The following POLR1F variants were observed in gnomAD, a reference collection of about 807,000 sequenced individuals.
The protein encoded by POLR1F is DNA-directed RNA polymerase I subunit RPA43.
POLR1F carries 23 observed loss-of-function variants against 21.8 expected under a neutral mutation model. The observed-to-expected ratio is 1.05, with a 90% confidence interval of 0.76 to 1.49. The LOEUF (loss-of-function observed/expected upper bound fraction) is 1.49. POLR1F is among the 40% of genes most tolerant of loss of function. POLR1F has a pLI of 0.00. For synonymous variants in POLR1F, 162 were observed against 152.8 expected (o/e 1.06, Z -0.45); for missense variants, 435 against 412.1 (o/e 1.06, Z -0.48).
At chr7:19,702,987 G>C (rs890244432) in intron 2 of POLR1F, among the ~76,000 whole-genome samples, 1 of 152,114 alleles carries the variant, frequency 6.6e-6, no homozygotes, top group South Asian at 2.1e-4. Flanking sequence ...TTACTTAAGA[G>C]AAATGAAAAT....
At chr7:19,700,439 C>CTAA (rs1783433760) in intron 2 of POLR1F, 159 bp from the exon 3 acceptor site, 1 of 611,082 alleles carries the variant, frequency 1.6e-6, no homozygotes, top group Non-Finnish European at 2.8e-6. Context: ...TAAAACTTAC[C>CTAA]ACATGTCATG....
At chr7:19,698,823 A>T (rs555622788) in intron 3 of POLR1F, 96 bp from the exon 4 acceptor site, 2 of 1,027,444 alleles carry the variant, frequency 1.9e-6, no homozygotes, top group Admixed American at 6.1e-5. Flanking sequence ...GATTTTCTAA[A>T]TAATGACTCC....
At position 19,704,914 on chromosome 7, in the gene POLR1F, T is replaced by A. The variant is rs1267748242; in HGVS notation, c.261A>T (p.Leu87Phe). The A allele has an allele frequency of 6.4e-7, 1 of 1,558,882 alleles. No homozygotes were observed. The highest frequency in any genetic ancestry group is 1.4e-5 in the African/African-American group (1 of 71,208). Reference sequence around the variant, plus strand: ...TGTTATCATATGCAATAGGGACACCTAAAAGGCTGTAAAAAGAAAAAGTTG... The same window carrying A: ...TGTTATCATATGCAATAGGGACACCAAAAAGGCTGTAAAAAGAAAAAGTTG... ...AELLRYSESL[L>F]GVPIAYDNIK... Residue 87 changes from leucine to phenylalanine, a missense_variant, in exon 2 of 4, where the codon TTA (leucine) becomes TTT (phenylalanine). Coordinates refer to ENST00000222567, the MANE Select transcript of POLR1F (RefSeq NM_001002926.2).
chr7:19,708,983 C>G lies in POLR1F; in HGVS notation c.34G>C (p.Ala12Pro). The G allele has an allele frequency of 1.9e-6, 3 of 1,596,056 alleles. No homozygotes were observed. Among genetic ancestry groups the G allele is most frequent in the Non-Finnish European group, 2.6e-6 (3 of 1,169,568 alleles). Reference sequence around the variant, plus strand: ...ACCAGAGACCCATCAGAAGCCGCCGCTGGCCGCGGCGCCTCTGAGCAACCT... The same window carrying G: ...ACCAGAGACCCATCAGAAGCCGCCGGTGGCCGCGGCGCCTCTGAGCAACCT... ...AAGCSEAPRP[A>P]AASDGSLVGQ... The change falls in exon 1 of 4, where the codon GCG (alanine) becomes CCG (proline). Residue 12 changes from alanine to proline, a missense_variant. Ala to Pro is a conservative substitution (Grantham distance 27). Coordinates refer to ENST00000222567, the MANE Select transcript of POLR1F (RefSeq NM_001002926.2).
At chr7:19,699,409 A>C (rs773347752) in intron 3 of POLR1F, among the ~76,000 whole-genome samples, 8 of 152,198 alleles carry the variant, frequency 5.3e-5, no homozygotes, top group Non-Finnish European at 1.0e-4. Context: ...GTCATATTTC[A>C]ATGCTCAATA....
intron 2 of POLR1F, among the ~76,000 whole-genome samples, chr7:19,704,569 T>C (rs571291742): frequency 6.6e-6 from 1 of 152,316 alleles, no homozygotes; most frequent in African/African-American, 2.4e-5. Context: ...GGATGGGACA[T>C]ATATCGTGTG....
At chr7:19,705,578 A>G (rs1299070580) in intron 1 of POLR1F, 1 of 152,484 alleles carries the variant, frequency 6.6e-6, no homozygotes, top group African/African-American at 2.4e-5. Flanking sequence ...TTTAAAGTCA[A>G]TGACTTAATA....
chr7:19,702,359 G>A (rs1276832035), intron 2 of POLR1F, among the ~76,000 whole-genome samples: 3 of 152,124 alleles, frequency 2.0e-5, no homozygotes, highest in African/African-American at 7.2e-5. Context: ...AGAACAACGG[G>A]AAAGCTACAT....
intron 1 of POLR1F, among the ~76,000 whole-genome samples, chr7:19,706,577 C>T (rs950701561): frequency 2.0e-5 from 3 of 152,138 alleles, no homozygotes; most frequent in African/African-American, 7.2e-5. Context: ...AAATGTCCTT[C>T]GCTCTGACTT....
chr7:19,704,759 G>A lies in POLR1F; in HGVS notation c.396+20C>T, dbSNP rs772191730. 14 of 1,572,346 alleles carry A rather than the reference G, an allele frequency of 8.9e-6. No homozygotes were observed. The highest frequency in any genetic ancestry group is 1.9e-4 in the Middle Eastern group (1 of 5,150). On this transcript the variant is annotated intron_variant, in intron 2 of 3. Transcript: ENST00000222567. Reference sequence around the variant, plus strand: ...TTATAGAATTATACAAAGGGAGCTAGAAAAAAGTGATACACATACCATAAG... The same window carrying A: ...TTATAGAATTATACAAAGGGAGCTAAAAAAAAGTGATACACATACCATAAG...
chr7:19,708,807 G>T lies in POLR1F; in HGVS notation c.210C>A (p.Gly70=), dbSNP rs770097505. 14 of 1,614,024 alleles carry T rather than the reference G, an allele frequency of 8.7e-6. No homozygotes were observed. In the East Asian group the frequency reaches 3.1e-4, roughly 36 times the overall value. ...SPRYLNRKRT[G]IREQLDAELL... is the part of the protein sequence containing the mutation. Reference sequence around the variant, plus strand: ...GCTCCGCATCAAGCTGTTCTCGAATGCCGGTGCGTTTCCTGTTAAGGTAGC... The same window carrying T: ...GCTCCGCATCAAGCTGTTCTCGAATTCCGGTGCGTTTCCTGTTAAGGTAGC... Residue 70 remains glycine, a synonymous_variant, in exon 1 of 4, where the codon GGC becomes GGA. Coordinates refer to ENST00000222567, the MANE Select transcript of POLR1F (RefSeq NM_001002926.2).
In POLR1F at chr7:19,695,814, A is replaced by C. The variant is rs1169758272; in HGVS notation, c.*2502T>G. 1 of 152,162 alleles carries C rather than the reference A, an allele frequency of 6.6e-6. No homozygotes were observed. Among genetic ancestry groups the C allele is most frequent in the Non-Finnish European group, 1.5e-5 (1 of 67,986 alleles). 9.4% of individuals were successfully genotyped at this position (152,162 alleles called of 1,614,324 possible). ...GTCCTCTGTCAGGTTCTCCACCTGG[A>C]ATGCCACAGCTAGTTTTTCTTCTCC... On this transcript the variant is annotated 3_prime_UTR_variant, in exon 4 of 4. Transcript: ENST00000222567.
chr7:19,698,620 T>C lies in POLR1F; in HGVS notation c.713A>G (p.Tyr238Cys). Residue 238 changes from tyrosine to cysteine, a missense_variant, in exon 4 of 4, where the codon TAT (tyrosine) becomes TGT (cysteine). By Grantham distance (194) the Tyr-to-Cys change is radical. Coordinates refer to ENST00000222567, the MANE Select transcript of POLR1F (RefSeq NM_001002926.2). Reference sequence around the variant, plus strand: ...CTTTGTGGTACCACTGTCCACTTCATATGTCTCTGGGTCTTTCTTCTTTTT... The same window carrying C: ...CTTTGTGGTACCACTGTCCACTTCACATGTCTCTGGGTCTTTCTTCTTTTT... ...KKKKKKDPET[Y>C]EVDSGTTKLA... The C allele has an allele frequency of 6.2e-7, 1 of 1,612,018 alleles. No individual in the cohort carries two copies. Among genetic ancestry groups the C allele is most frequent in the African/African-American group, 1.3e-5 (1 of 74,858 alleles).
At chr7:19,699,163 A>G (rs1363049895) in intron 3 of POLR1F, among the ~76,000 whole-genome samples, 2 of 152,146 alleles carry the variant, frequency 1.3e-5, no homozygotes, top group African/African-American at 4.8e-5. Context: ...AAAGCAATGG[A>G]GTTTCCAGTC....
At chr7:19,703,556 C>A (rs1783472295) in intron 2 of POLR1F, among the ~76,000 whole-genome samples, 1 of 152,100 alleles carries the variant, frequency 6.6e-6, no homozygotes, top group Non-Finnish European at 1.5e-5. Flanking sequence ...TTTCTACAAT[C>A]TGTTATTTCC....
intron 2 of POLR1F, among the ~76,000 whole-genome samples, chr7:19,701,198 A>C (rs1783441721): frequency 6.6e-6 from 1 of 152,244 alleles, no homozygotes; most frequent in South Asian, 2.1e-4. Context: ...AAAATAAAAG[A>C]TTATTCAGTA....
rs1783389577 is a variant in POLR1F at position 19,697,678 on chromosome 7, ACTT to A, written c.*635_*637del. The A allele has an allele frequency of 6.6e-6, 1 of 152,158 alleles. No individual in the cohort carries two copies. The highest frequency in any genetic ancestry group is 1.5e-5 in the Non-Finnish European group (1 of 68,104). The allele number at this position is 152,158 out of a possible 1,614,324, so 9.4% of individuals were successfully genotyped here. On this transcript the variant is annotated 3_prime_UTR_variant, in exon 4 of 4. Transcript: ENST00000222567. ...ACAGTCCTTTCCAGCAACCTCTCAG[ACTT>A]AAGAAGACAAGGACACACATGCACT...
intron 1 of POLR1F, among the ~76,000 whole-genome samples, chr7:19,705,203 A>C (rs1444900586): frequency 6.6e-6 from 1 of 152,184 alleles, no homozygotes; most frequent in Non-Finnish European, 1.5e-5. Flanking sequence ...CACCTATGTC[A>C]AAAACAATAG....
In POLR1F at chr7:19,695,665, A is replaced by G. The variant is rs1364734867; in HGVS notation, c.*2651T>C. On this transcript the variant is annotated 3_prime_UTR_variant, in exon 4 of 4. Coordinates refer to ENST00000222567, the MANE Select transcript of POLR1F (RefSeq NM_001002926.2). Reference sequence around the variant, plus strand: ...GTTTGAAATAATGCACAGTGTTACAAGTAGAAAAATATTTATTAAAGAAAA... The same window carrying G: ...GTTTGAAATAATGCACAGTGTTACAGGTAGAAAAATATTTATTAAAGAAAA... The G allele has an allele frequency of 6.6e-6, 1 of 152,150 alleles. No homozygotes were observed. The highest frequency in any genetic ancestry group is 1.5e-5 in the Non-Finnish European group (1 of 67,970). 9.4% of individuals were successfully genotyped at this position (152,150 alleles called of 1,614,324 possible). A position where few individuals can be genotyped will look rare whatever the true frequency, so the allele number is the denominator to read the frequency against.
Sources: allele counts gnomAD v4.1 joint callset (sites outside exome capture counted in the v4.1 genomes callset), GRCh38; gene constraint gnomAD v4.1.1; transcripts MANE v1.5; gene names NCBI Gene and HGNC (gene_info 2026-07-23, HGNC 2026-07-21).